OR1J2: variants seen among roughly 807,000 people sequenced by gnomAD.
OR1J2 encodes olfactory receptor 1J2.
For synonymous variants in OR1J2, 142 were observed against 99.7 expected (o/e 1.42, Z -2.52); for missense variants, 304 against 246.1 (o/e 1.24, Z -1.57).
the OR1J2 span, chr9:122,553,171 T>C: frequency 1.9e-6 from 3 of 1,592,372 alleles, no homozygotes; most frequent in African/African-American, 4.0e-5. Flanking sequence ...TACTGACACA[T>C]GGAAGGTTTT....
At chr9:122,474,051 A>C in the OR1J2 span, among the ~76,000 whole-genome samples, 1 of 152,200 alleles carries the variant, frequency 6.6e-6, no homozygotes, top group African/African-American at 2.4e-5. Context: ...GAACAAGTCT[A>C]TCTGGCTACA....
chr9:122,486,319 T>C, the OR1J2 span, among the ~76,000 whole-genome samples: 1 of 152,200 alleles, frequency 6.6e-6, no homozygotes, highest in African/African-American at 2.4e-5. Flanking sequence ...GTGATGAAAC[T>C]TGCCCAGTAT....
the OR1J2 span, chr9:122,567,416 G>A: frequency 3.2e-6 from 2 of 624,132 alleles, no homozygotes; most frequent in Non-Finnish European, 5.5e-6. Flanking sequence ...GGATGTAAGT[G>A]CCCACAATAG....
At chr9:122,482,540 T>C in the OR1J2 span, among the ~76,000 whole-genome samples, 1 of 152,202 alleles carries the variant, frequency 6.6e-6, no homozygotes, top group African/African-American at 2.4e-5. Context: ...GGAAATACAG[T>C]CAGTAACTTG....
chr9:122,550,561 G>GT, the OR1J2 span, among the ~76,000 whole-genome samples: 127 of 149,008 alleles, frequency 8.5e-4, 1 homozygote, highest in Non-Finnish European at 1.2e-3. Context: ...GATCAAGTGG[G>GT]TTTTTTTTTT....
the OR1J2 span, among the ~76,000 whole-genome samples, chr9:122,497,124 C>T: frequency 6.6e-6 from 1 of 152,164 alleles, no homozygotes; most frequent in Non-Finnish European, 1.5e-5. Flanking sequence ...GACCACAAGC[C>T]TTCCTGTTGA....
At chr9:122,507,521 C>A (rs113971247), upstream of OR1J2, among the ~76,000 whole-genome samples, 1,875 of 152,226 alleles carry the variant, frequency 0.012, 43 homozygotes, top group African/African-American at 0.043. Flanking sequence ...TATGTGAGAA[C>A]GAGCCTCTCT....
chr9:122,541,621 C>CCTTT, the OR1J2 span, among the ~76,000 whole-genome samples: 1 of 152,128 alleles, frequency 6.6e-6, no homozygotes, highest in Non-Finnish European at 1.5e-5. Context: ...AATGCACAGC[C>CCTTT]CTTTATCTAC....
chr9:122,488,330 G>A, the OR1J2 span, among the ~76,000 whole-genome samples: 1 of 152,092 alleles, frequency 6.6e-6, no homozygotes, highest in African/African-American at 2.4e-5. Context: ...GTAGAAATGG[G>A]GTTTTGCCAT....
the OR1J2 span, chr9:122,519,481 T>A: frequency 6.2e-7 from 1 of 1,614,174 alleles, no homozygotes; most frequent in South Asian, 1.1e-5. Flanking sequence ...GACAATTTCC[T>A]TCTCACTTCA....
At chr9:122,465,386 A>G in the OR1J2 span, among the ~76,000 whole-genome samples, 11 of 152,224 alleles carry the variant, frequency 7.2e-5, no homozygotes, top group Non-Finnish European at 1.3e-4. Flanking sequence ...ATTAATAAGC[A>G]GAATGGGATC....
At chr9:122,484,279 A>G in the OR1J2 span, among the ~76,000 whole-genome samples, 15 of 152,076 alleles carry the variant, frequency 9.9e-5, no homozygotes, top group African/African-American at 3.4e-4. Context: ...CTCCTGCCTC[A>G]GCCTCCCAAG....
the OR1J2 span, among the ~76,000 whole-genome samples, chr9:122,484,318 T>C: frequency 1.8e-4 from 27 of 152,128 alleles, no homozygotes; most frequent in African/African-American, 6.5e-4. Flanking sequence ...CGCACCACCA[T>C]GCCGAGCTAA....
At chr9:122,455,903 TTCTATGTGTCTA>T in the OR1J2 span, among the ~76,000 whole-genome samples, 1 of 152,174 alleles carries the variant, frequency 6.6e-6, no homozygotes, top group Non-Finnish European at 1.5e-5. Flanking sequence ...CTTTATTACT[TTCTATGTGTCTA>T]TCCAATCACC....
chr9:122,478,749 C>T, the OR1J2 span, among the ~76,000 whole-genome samples: 1 of 152,110 alleles, frequency 6.6e-6, no homozygotes, highest in African/African-American at 2.4e-5. Flanking sequence ...CTTATGGTTT[C>T]AGATCCATAC....
the OR1J2 span, among the ~76,000 whole-genome samples, chr9:122,574,467 C>G: frequency 0.63 from 96,185 of 151,854 alleles, 30,648 homozygotes; most frequent in African/African-American, 0.67. Flanking sequence ...AAATGATATT[C>G]TGTTCTTAAT....
chr9:122,556,637 A>T, the OR1J2 span, among the ~76,000 whole-genome samples: 9 of 152,160 alleles, frequency 5.9e-5, no homozygotes, highest in African/African-American at 2.2e-4. Flanking sequence ...ATACCTATGT[A>T]ACAAACCTAC....
chr9:122,495,872 CG>C, the OR1J2 span, among the ~76,000 whole-genome samples: 1 of 152,096 alleles, frequency 6.6e-6, no homozygotes, highest in Admixed American at 6.5e-5. Context: ...TTTGTCCTAC[CG>C]GGTGCTCCCT....
At chr9:122,466,109 G>A in the OR1J2 span, among the ~76,000 whole-genome samples, 2 of 152,100 alleles carry the variant, frequency 1.3e-5, no homozygotes, top group East Asian at 3.9e-4. Flanking sequence ...TTTTGTGAAG[G>A]CCAGGCCCAA....
Sources: gnomAD v4.1 joint callset for allele counts (sites outside exome capture counted in the v4.1 genomes callset) on GRCh38, gnomAD v4.1.1 for gene constraint, MANE v1.5 for transcripts, NCBI Gene and HGNC (gene_info 2026-07-23, HGNC 2026-07-21) for gene names.